The following APPBP2 variants were observed in gnomAD, a reference collection of about 807,000 sequenced individuals.
APPBP2 encodes the protein amyloid protein-binding protein 2.
Under a neutral mutation model 76.0 loss-of-function variants are expected in APPBP2, and 15 were observed. The ratio of observed to expected loss-of-function variants is 0.20; its 90% confidence interval spans 0.13 to 0.30. The LOEUF is 0.30. Ranked by LOEUF, APPBP2 falls within the 10% of genes least tolerant of loss-of-function variation. The probability of loss-of-function intolerance (pLI) is 1.00; values close to 1 mark genes in which losing one functional copy is unlikely to be tolerated. For missense variants in APPBP2, 401 were observed against 687.2 expected (o/e 0.58, Z 4.66); for synonymous variants, 222 against 242.2 (o/e 0.92, Z 0.77).
rs59428194 is a variant in APPBP2 at position 60,518,358 on chromosome 17, CGTGTGTGTGTGT to C, written c.138+7424_138+7435del. Among the ~76,000 whole-genome samples the C allele has an allele frequency of 1.5e-3, 132 of 89,088 alleles. 2 individuals carry two copies. The highest frequency in any genetic ancestry group is 4.7e-3 in the African/African-American group (90 of 19,244). The allele number at this position is 89,088 out of a possible 152,430, so 58.4% of individuals were successfully genotyped here. Reference sequence around the variant, plus strand: ...TACCATGCCCAGCCGTGTGTGCGTGCGTGTGTGTGTGTGTGTGTGTGTGTGTGTGTGTGTGTG... The same window carrying C: ...TACCATGCCCAGCCGTGTGTGCGTGCGTGTGTGTGTGTGTGTGTGTGTGTG... On this transcript the variant is annotated intron_variant, in intron 1 of 12. Transcript: ENST00000083182.
rs567014034 is a variant in APPBP2 at position 60,445,189 on chromosome 17, T to C, written c.*2392A>G. ...GCTAGAGTGTATGCATTAAAGTATA[T>C]GGATTTACAAAAAAACTACATTAAA... On this transcript the variant is annotated 3_prime_UTR_variant, in exon 13 of 13. Transcript: ENST00000083182. 6.6e-6 allele frequency: 1 copy of C among 152,652 alleles called. No homozygotes were observed. The highest frequency in any genetic ancestry group is 1.9e-4 in the East Asian group (1 of 5,182). 9.5% of individuals were successfully genotyped at this position (152,652 alleles called of 1,614,324 possible).
At chr17:60,498,346 C>T (rs571491689) in intron 2 of APPBP2, among the ~76,000 whole-genome samples, 1 of 152,220 alleles carries the variant, frequency 6.6e-6, no homozygotes, top group Non-Finnish European at 1.5e-5. Context: ...ACAATTACTG[C>T]CACAATATTT....
rs767745297 is a variant in APPBP2 at position 60,466,339 on chromosome 17, G to C, written c.624C>G (p.Leu208=). 3 of 1,613,976 alleles carry C rather than the reference G, an allele frequency of 1.9e-6. No individual in the cohort carries two copies. In the Admixed American group the frequency reaches 5.0e-5, roughly 27 times the overall value. The change falls in exon 5 of 13, where the codon CTC becomes CTG. Residue 208 remains leucine, a synonymous_variant. Transcript: ENST00000083182. Reference sequence around the variant, plus strand: ...ATAGGAGTGCACACAGTTCTCCATAGAGTGCAGCTTTATTTGCTTGCTGGC... The same window carrying C: ...ATAGGAGTGCACACAGTTCTCCATACAGTGCAGCTTTATTTGCTTGCTGGC... The part of the protein sequence containing the change: ...KHGQQANKAA[L]YGELCALLFA...
At chr17:60,493,016 G>C (rs564760332) in intron 3 of APPBP2, among the ~76,000 whole-genome samples, 1 of 152,122 alleles carries the variant, frequency 6.6e-6, no homozygotes, top group African/African-American at 2.4e-5. Flanking sequence ...TCATAGGGCC[G>C]GTTCCCCAAC....
chr17:60,524,240 G>A (rs1424719811), intron 1 of APPBP2, among the ~76,000 whole-genome samples: 3 of 152,132 alleles, frequency 2.0e-5, no homozygotes, highest in Non-Finnish European at 4.4e-5. Flanking sequence ...AAATACACTT[G>A]GATTACATTC....
intron 3 of APPBP2, among the ~76,000 whole-genome samples, chr17:60,487,105 T>A (rs936140200): frequency 1.3e-5 from 2 of 152,158 alleles, no homozygotes; most frequent in Non-Finnish European, 2.9e-5. Context: ...AACCTGACCT[T>A]TCTTTCTGGC....
chr17:60,495,631 C>T (rs2090769488), intron 2 of APPBP2, among the ~76,000 whole-genome samples: 1 of 151,976 alleles, frequency 6.6e-6, no homozygotes, highest in South Asian at 2.1e-4. Flanking sequence ...TCACTGCACC[C>T]TGCTATAATT....
intron 4 of APPBP2, chr17:60,477,428 C>G (rs1203581351): frequency 6.6e-6 from 1 of 152,058 alleles, no homozygotes; most frequent in Non-Finnish European, 1.5e-5. Context: ...CCTTTCTGTT[C>G]CAAATTAACC....
intron 1 of APPBP2, among the ~76,000 whole-genome samples, chr17:60,509,917 C>T (rs2090898270): frequency 6.6e-6 from 1 of 151,950 alleles, no homozygotes; most frequent in African/African-American, 2.4e-5. Context: ...TGGCCAGAAT[C>T]GATAATTGTT....
Position 60,443,373 on chromosome 17 carries a change from A to C in APPBP2, c.*4208T>G, listed in dbSNP as rs550128892. ...TTAATGACCTTAGATATTTCTATAG[A>C]AATTATTGTGGCACTATTAGTGGGG... On this transcript the variant is annotated 3_prime_UTR_variant, in exon 13 of 13. Transcript: ENST00000083182. 2 of 152,660 alleles carry C rather than the reference A, an allele frequency of 1.3e-5. No homozygotes were observed. The highest frequency in any genetic ancestry group is 4.1e-4 in the South Asian group (2 of 4,836). 9.5% of individuals were successfully genotyped at this position (152,660 alleles called of 1,614,324 possible).
At chr17:60,488,075 C>G (rs1415679622) in intron 3 of APPBP2, among the ~76,000 whole-genome samples, 2 of 152,194 alleles carry the variant, frequency 1.3e-5, no homozygotes, top group Admixed American at 6.5e-5. Flanking sequence ...GCTGCCTGAT[C>G]CTTCCTCTGG....
chr17:60,465,119 G>A (rs1390569747), intron 5 of APPBP2: 1 of 152,130 alleles, frequency 6.6e-6, no homozygotes, highest in Non-Finnish European at 1.5e-5. Flanking sequence ...GCCACTTCTG[G>A]AAGAAAAGTC....
At chr17:60,524,702 G>GT in intron 1 of APPBP2, among the ~76,000 whole-genome samples, 1 of 150,648 alleles carries the variant, frequency 6.6e-6, no homozygotes, top group East Asian at 1.9e-4. Context: ...CTGTACATAC[G>GT]TAAGAACATA....
chr17:60,510,692 G>A (rs1167253140), intron 1 of APPBP2, among the ~76,000 whole-genome samples: 3 of 152,226 alleles, frequency 2.0e-5, no homozygotes, highest in Non-Finnish European at 4.4e-5. Flanking sequence ...CCAGAGCCTG[G>A]GAGACAAAGT....
Position 60,463,917 on chromosome 17 carries a change from C to T in APPBP2, c.762+104G>A, listed in dbSNP as rs189722212. ...AACTTATAAAACAGACCTATGCCTACGGAGTGTACAAATAACTAAAATGTT... is the reference window on the plus strand; with the variant it reads ...AACTTATAAAACAGACCTATGCCTATGGAGTGTACAAATAACTAAAATGTT... On this transcript the variant is annotated intron_variant, in intron 6 of 12. Coordinates refer to ENST00000083182, the MANE Select transcript of APPBP2 (RefSeq NM_006380.5). 822 of 730,878 alleles carry T rather than the reference C, an allele frequency of 1.1e-3. 5 individuals are homozygous for T. In the African/African-American group the frequency reaches 0.012, roughly 10 times the overall value. 45.3% of individuals were successfully genotyped at this position (730,878 alleles called of 1,614,324 possible).
chr17:60,483,948 G>A (rs1210448722), intron 3 of APPBP2, among the ~76,000 whole-genome samples: 7 of 151,722 alleles, frequency 4.6e-5, no homozygotes, highest in African/African-American at 7.3e-5. Flanking sequence ...TTCTACCTAC[G>A]GCTAGCCAGT....
At chr17:60,476,461 G>A (rs1215030146) in intron 4 of APPBP2, among the ~76,000 whole-genome samples, 2 of 151,908 alleles carry the variant, frequency 1.3e-5, no homozygotes, top group African/African-American at 4.8e-5. Context: ...AAAAGGCTAA[G>A]TCATAAAATT....
At chr17:60,454,565 C>T in intron 10 of APPBP2, 73 bp from the exon 11 acceptor site, 1 of 958,110 alleles carries the variant, frequency 1.0e-6, no homozygotes, top group African/African-American at 1.7e-5. Flanking sequence ...CTAATTTAAA[C>T]TTAAATAATA....
At chr17:60,459,546 G>A (rs1054478773) in intron 9 of APPBP2, 6 of 147,402 alleles carry the variant, frequency 4.1e-5, no homozygotes, top group Non-Finnish European at 7.4e-5. Context: ...AGGCTGGAGA[G>A]CAGTGGCGTG....
Sources: allele counts gnomAD v4.1 joint callset (sites outside exome capture counted in the v4.1 genomes callset), GRCh38; gene constraint gnomAD v4.1.1; transcripts MANE v1.5; gene names NCBI Gene and HGNC (gene_info 2026-07-23, HGNC 2026-07-21).